The following GIPC2 variants were observed in gnomAD, a reference collection of about 807,000 sequenced individuals.
The protein encoded by GIPC2 is PDZ domain-containing protein GIPC2.
In GIPC2, 30 loss-of-function variants were observed where a neutral mutation model predicts 30.6. The ratio of observed to expected loss-of-function variants is 0.98; its 90% CI spans 0.73 to 1.33. The LOEUF (loss-of-function observed/expected upper bound fraction) is 1.33, where lower values mean the gene tolerates loss of function less well. Ranked by LOEUF, GIPC2 falls within the 40% of genes most tolerant of loss-of-function variation. GIPC2 has a pLI of 0.00. For missense variants in GIPC2, 414 were observed against 390.3 expected (o/e 1.06, Z -0.51); for synonymous variants, 167 against 150.0 (o/e 1.11, Z -0.83).
intron 1 of GIPC2, among the ~76,000 whole-genome samples, chr1:78,062,178 T>C (rs1350489560): frequency 6.6e-6 from 1 of 152,236 alleles, no homozygotes; most frequent in African/African-American, 2.4e-5. Context: ...ACTGTGTATC[T>C]ATTCTTAAAA....
At chr1:78,107,524 T>G (rs1044689605) in intron 3 of GIPC2, among the ~76,000 whole-genome samples, 1 of 152,042 alleles carries the variant, frequency 6.6e-6, no homozygotes, top group African/African-American at 2.4e-5. Context: ...AGAAAACAAT[T>G]ATTTTAAAAA....
intron 3 of GIPC2, among the ~76,000 whole-genome samples, chr1:78,095,572 A>AC (rs1205158346): frequency 9.2e-5 from 14 of 151,958 alleles, no homozygotes; most frequent in Non-Finnish European, 1.5e-4. Context: ...CATTTTAAAG[A>AC]CCCCCTTCCC....
intron 3 of GIPC2, among the ~76,000 whole-genome samples, chr1:78,100,182 G>C (rs1662215461): frequency 6.6e-6 from 1 of 152,208 alleles, no homozygotes; most frequent in African/African-American, 2.4e-5. Flanking sequence ...GTGCCTGTAG[G>C]CATGAAGAGA....
intron 3 of GIPC2, among the ~76,000 whole-genome samples, chr1:78,106,672 T>G (rs566355767): frequency 7.9e-5 from 12 of 152,264 alleles, no homozygotes; most frequent in African/African-American, 2.6e-4. Flanking sequence ...TACAGTGGAT[T>G]TTTAATTTTA....
chr1:78,058,876 C>T (rs925602913), intron 1 of GIPC2, among the ~76,000 whole-genome samples: 6 of 152,128 alleles, frequency 3.9e-5, no homozygotes, highest in African/African-American at 1.4e-4. Context: ...ATCAGTTATT[C>T]TGTGATAAAA....
intron 3 of GIPC2, among the ~76,000 whole-genome samples, chr1:78,115,953 TGAAGATGGGAA>T (rs1662559804): frequency 6.6e-6 from 1 of 152,236 alleles, no homozygotes; most frequent in South Asian, 2.1e-4. Flanking sequence ...AGTACTTGGC[TGAAGATGGGAA>T]TTATCCTGGT....
chr1:78,100,812 C>G (rs1250841573), intron 3 of GIPC2, among the ~76,000 whole-genome samples: 2 of 151,804 alleles, frequency 1.3e-5, no homozygotes, highest in East Asian at 3.9e-4. Flanking sequence ...CACCTCTAGT[C>G]TCAGTTGCTC....
Position 78,046,269 on chromosome 1 carries a change from G to GA in GIPC2, c.175_176insA (p.Gly59GlufsTer17). The GA allele has an allele frequency of 1.2e-6, 2 of 1,611,824 alleles. No individual in the cohort carries two copies. The highest frequency in any genetic ancestry group is 1.7e-6 in the Non-Finnish European group (2 of 1,179,444). On this transcript the variant is annotated frameshift_variant, in exon 1 of 6. Coordinates refer to ENST00000370759, the MANE Select transcript of GIPC2 (RefSeq NM_017655.6). LOFTEE classifies it high-confidence loss of function. ...CGGTAGTGCCACGGGCCGAGTGGAG[G>GA]GCTTCTCCAGCATCCAGGAGCTCTA...
chr1:78,129,322 A>G (rs899654678), intron 5 of GIPC2, among the ~76,000 whole-genome samples: 4 of 152,238 alleles, frequency 2.6e-5, no homozygotes, highest in African/African-American at 4.8e-5. Context: ...AATATAAATC[A>G]CAAGTGTGAT....
At chr1:78,068,932 T>C (rs505301) in intron 1 of GIPC2, 51,145 of 216,762 alleles carry the variant, frequency 0.24, 6,389 homozygotes, top group East Asian at 0.49. Flanking sequence ...GATGGAGTCC[T>C]GTGGTAGCCT....
intron 1 of GIPC2, chr1:78,069,053 A>G: frequency 2.0e-6 from 2 of 985,116 alleles, no homozygotes; most frequent in Non-Finnish European, 2.4e-6. Flanking sequence ...TAATGTTGGC[A>G]AGCAGAGAGT....
At chr1:78,056,777 C>A (rs1307295439) in intron 1 of GIPC2, among the ~76,000 whole-genome samples, 2 of 152,218 alleles carry the variant, frequency 1.3e-5, no homozygotes. Flanking sequence ...AGAGTAACAA[C>A]CATCCTGACT....
intron 1 of GIPC2, among the ~76,000 whole-genome samples, chr1:78,063,287 T>G (rs1180687018): frequency 1.4e-5 from 2 of 142,976 alleles, no homozygotes; most frequent in East Asian, 4.3e-4. Context: ...GGGTCAGGAG[T>G]TCGCGACCAG....
intron 4 of GIPC2, among the ~76,000 whole-genome samples, chr1:78,123,905 T>C (rs1422306638): frequency 6.6e-6 from 1 of 152,242 alleles, no homozygotes; most frequent in African/African-American, 2.4e-5. Context: ...AGCAATATAT[T>C]GTCTGTTATT....
intron 1 of GIPC2, among the ~76,000 whole-genome samples, chr1:78,064,960 G>A (rs1197496140): frequency 2.6e-5 from 4 of 152,044 alleles, no homozygotes; most frequent in African/African-American, 9.7e-5. Context: ...GGCCAGGCTG[G>A]TCTCAAACTC....
At chr1:78,090,710 C>T (rs72687127) in intron 2 of GIPC2, among the ~76,000 whole-genome samples, 3,441 of 152,128 alleles carry the variant, frequency 0.023, 56 homozygotes, top group Middle Eastern at 0.041. Flanking sequence ...GTGATCATTT[C>T]GAGAAATATG....
intron 5 of GIPC2, among the ~76,000 whole-genome samples, chr1:78,127,057 C>G (rs1236918898): frequency 6.6e-6 from 1 of 152,132 alleles, no homozygotes; most frequent in Non-Finnish European, 1.5e-5. Flanking sequence ...AATGTACACT[C>G]CAGTGTGGGG....
chr1:78,132,665 A>ATGTGTGTGTGTGTG (rs61463492), intron 5 of GIPC2, among the ~76,000 whole-genome samples: 7,062 of 142,588 alleles, frequency 0.05, 253 homozygotes, highest in Non-Finnish European at 0.076. Context: ...ATAGCCAAGG[A>ATGTGTGTGTGTGTG]TGTGTGTGTG....
At chr1:78,056,677 T>C (rs1426549208) in intron 1 of GIPC2, among the ~76,000 whole-genome samples, 1 of 152,188 alleles carries the variant, frequency 6.6e-6, no homozygotes, top group Non-Finnish European at 1.5e-5. Flanking sequence ...AATGGATAAA[T>C]TGAACACCTT....
Sources: allele counts gnomAD v4.1 joint callset (sites outside exome capture counted in the v4.1 genomes callset), GRCh38; gene constraint gnomAD v4.1.1; transcripts MANE v1.5; gene names NCBI Gene and HGNC (gene_info 2026-07-23, HGNC 2026-07-21).